PRIMA1: variants seen among roughly 807,000 people sequenced by gnomAD.
PRIMA1 encodes the protein proline rich membrane anchor 1.
Under a neutral mutation model 17.5 loss-of-function variants are expected in PRIMA1, and 7 were observed. The observed-to-expected ratio is 0.40, with a 90% confidence interval of 0.23 to 0.75. The LOEUF (loss-of-function observed/expected upper bound fraction) is 0.75, where lower values mean the gene tolerates loss of function less well. Among genes scored for constraint, PRIMA1 ranks in the 30% least tolerant of loss-of-function variants. The pLI is 0.37. For synonymous variants in PRIMA1, 97 were observed against 77.9 expected, an observed-to-expected ratio of 1.25 and a Z score of -1.29; for missense variants, 200 against 201.8, an observed-to-expected ratio of 0.99 and a Z score of 0.05.
intron 2 of PRIMA1, among the ~76,000 whole-genome samples, chr14:93,783,349 C>T (rs945093035): frequency 6.6e-6 from 1 of 152,170 alleles, no homozygotes; most frequent in East Asian, 1.9e-4. Context: ...CCACAGTTGC[C>T]CAAGGCCCAG....
chr14:93,734,745 A>G (rs1290351818), intron 4 of PRIMA1, among the ~76,000 whole-genome samples: 1 of 117,710 alleles, frequency 8.5e-6, no homozygotes, highest in Admixed American at 8.9e-5. Flanking sequence ...GCCCTGGTGG[A>G]GCCCCGCCCC....
intron 3 of PRIMA1, among the ~76,000 whole-genome samples, chr14:93,748,380 C>T (rs1167350162): frequency 6.6e-6 from 1 of 152,148 alleles, no homozygotes; most frequent in Admixed American, 6.5e-5. Flanking sequence ...ATGTGACAAA[C>T]GGCCAGGAGA....
intron 3 of PRIMA1, among the ~76,000 whole-genome samples, chr14:93,763,374 C>T (rs371978096): frequency 3.8e-4 from 58 of 152,266 alleles, no homozygotes; most frequent in African/African-American, 1.4e-3. Context: ...TTGCTCATGC[C>T]ATTGCCTACC....
intron 3 of PRIMA1, among the ~76,000 whole-genome samples, chr14:93,742,061 C>T (rs2076187432): frequency 6.6e-6 from 1 of 152,174 alleles, no homozygotes; most frequent in Non-Finnish European, 1.5e-5. Context: ...TGAGATGCAT[C>T]GTTAAAAGCT....
intron 3 of PRIMA1, among the ~76,000 whole-genome samples, chr14:93,768,169 G>A (rs1353651307): frequency 2.0e-5 from 3 of 152,044 alleles, no homozygotes; most frequent in African/African-American, 2.4e-5. Flanking sequence ...GAAGACACAC[G>A]TGTCCCTTTT....
intron 3 of PRIMA1, among the ~76,000 whole-genome samples, chr14:93,769,097 A>T (rs1412389375): frequency 6.6e-6 from 1 of 152,126 alleles, no homozygotes; most frequent in Non-Finnish European, 1.5e-5. Flanking sequence ...TGGAGATAGG[A>T]GTCATGTTCA....
chr14:93,778,667 A>G (rs1272969228), intron 3 of PRIMA1, among the ~76,000 whole-genome samples: 1 of 152,228 alleles, frequency 6.6e-6, no homozygotes, highest in Non-Finnish European at 1.5e-5. Flanking sequence ...CGACGGCGCA[A>G]TCAAATTGTT....
At chr14:93,755,976 G>A (rs867274391) in intron 3 of PRIMA1, among the ~76,000 whole-genome samples, 23 of 152,188 alleles carry the variant, frequency 1.5e-4, no homozygotes, top group African/African-American at 7.2e-5. Flanking sequence ...CCCACACGCA[G>A]CTGCCTCTTC....
At chr14:93,754,420 C>CCT (rs2076278587) in intron 3 of PRIMA1, among the ~76,000 whole-genome samples, 1 of 150,788 alleles carries the variant, frequency 6.6e-6, no homozygotes, top group African/African-American at 2.4e-5. Flanking sequence ...TTTAACATTG[C>CCT]CTAGGGGGGC....
intron 2 of PRIMA1, among the ~76,000 whole-genome samples, chr14:93,786,974 G>A (rs1167894921): frequency 1.3e-5 from 2 of 152,170 alleles, no homozygotes; most frequent in African/African-American, 4.8e-5. Context: ...AGCTGACATC[G>A]AAGTCCACCT....
chr14:93,740,079 A>C (rs544774580), intron 3 of PRIMA1, among the ~76,000 whole-genome samples: 10 of 152,082 alleles, frequency 6.6e-5, no homozygotes, highest in Admixed American at 2.0e-4. Context: ...AAAAATCAAT[A>C]AATAAAATAA....
At chr14:93,774,732 T>G (rs966871013) in intron 3 of PRIMA1, among the ~76,000 whole-genome samples, 1 of 152,138 alleles carries the variant, frequency 6.6e-6, no homozygotes. Context: ...CACCTCTTTA[T>G]CCCCCAAGTC....
At position 93,740,769 on chromosome 14, in the gene PRIMA1, A is replaced by G. The variant is rs75316128; in HGVS notation, c.230-3399T>C. 1.7e-3 allele frequency among the ~76,000 whole-genome samples: 258 copies of G among 152,346 alleles called. 1 individual carries two copies. Among genetic ancestry groups the G allele is most frequent in the African/African-American group, 6.0e-3 (249 of 41,580 alleles). ...CAATGTGTGATCCCAGCAGCTACGG[A>G]TGTTAATGACAATGAACTGGATACT... On this transcript the variant is annotated intron_variant, in intron 3 of 4. Transcript: ENST00000393140.
At chr14:93,767,761 C>T (rs183741908) in intron 3 of PRIMA1, among the ~76,000 whole-genome samples, 4 of 152,308 alleles carry the variant, frequency 2.6e-5, no homozygotes, top group East Asian at 1.9e-4. Context: ...ACACACCCCC[C>T]CTCTCCATTC....
intron 4 of PRIMA1, among the ~76,000 whole-genome samples, chr14:93,734,599 G>A (rs2076136387): frequency 7.4e-6 from 1 of 135,066 alleles, no homozygotes; most frequent in African/African-American, 2.6e-5. Flanking sequence ...TGCCCAAAGC[G>A]CTGGAATAAT....
At position 93,779,223 on chromosome 14, in the gene PRIMA1, G is replaced by A; in HGVS notation, c.182C>T (p.Pro61Leu). The change falls in exon 3 of 5, where the codon CCC becomes CTC. Residue 61 changes from proline to leucine, a missense_variant. Transcript: ENST00000393140. ...AGGTGGCGGGGGTGGGGGCGGCGGG[G>A]GCAGCGGGGGAGGGGGCCGGCACTG... ...VCQCRPPPPLPPPPPPPPPPR... is the reference protein window; with the variant it reads ...VCQCRPPPPLLPPPPPPPPPR... The A allele has an allele frequency of 9.1e-7, 1 of 1,098,466 alleles. No individual in the cohort carries two copies. 68.0% of individuals were successfully genotyped at this position (1,098,466 alleles called of 1,614,324 possible).
chr14:93,735,059 G>T (rs1483169885), intron 4 of PRIMA1, among the ~76,000 whole-genome samples: 5 of 152,170 alleles, frequency 3.3e-5, no homozygotes, highest in Admixed American at 6.5e-5. Flanking sequence ...ATTTCTTCAG[G>T]GGAGGTTTGG....
At chr14:93,728,548 G>A (rs2076094208) in intron 4 of PRIMA1, among the ~76,000 whole-genome samples, 1 of 152,056 alleles carries the variant, frequency 6.6e-6, no homozygotes, top group Non-Finnish European at 1.5e-5. Context: ...AAGGTGTCTG[G>A]GTCTTATCCT....
intron 3 of PRIMA1, among the ~76,000 whole-genome samples, chr14:93,754,595 T>C (rs1370537515): frequency 1.3e-5 from 2 of 152,106 alleles, no homozygotes; most frequent in Non-Finnish European, 1.5e-5. Context: ...CCTTGGATCA[T>C]AGGAGGGAGG....
Sources: gnomAD v4.1 joint callset for allele counts (sites outside exome capture counted in the v4.1 genomes callset) on GRCh38, gnomAD v4.1.1 for gene constraint, MANE v1.5 for transcripts, NCBI Gene and HGNC (gene_info 2026-07-23, HGNC 2026-07-21) for gene names.